The following CADM2 variants were observed in gnomAD, a reference collection of about 807,000 sequenced individuals.
The protein encoded by CADM2 is cell adhesion molecule 2, also known as immunoglobulin superfamily member 4D.
CADM2 carries 12 observed loss-of-function variants against 49.8 expected under a neutral mutation model. The observed-to-expected ratio is 0.24, with a 90% CI of 0.15 to 0.39. The LOEUF (loss-of-function observed/expected upper bound fraction) is 0.39, where lower values mean the gene tolerates loss of function less well. Among genes scored for constraint, CADM2 ranks in the 10% least tolerant of loss-of-function variants. CADM2 has a pLI of 1.00. For missense variants in CADM2, 378 were observed against 492.3 expected (o/e 0.77, Z 2.20); for synonymous variants, 214 against 175.4 (o/e 1.22, Z -1.74).
intron 2 of CADM2, chr3:85,800,537 T>C (rs190155342): frequency 6.6e-6 from 1 of 152,656 alleles, no homozygotes. Context: ...CCTTGTGGTA[T>C]AGGCACCCGA....
chr3:85,904,588 T>C (rs1716540708), intron 5 of CADM2, among the ~76,000 whole-genome samples: 1 of 152,204 alleles, frequency 6.6e-6, no homozygotes, highest in Admixed American at 6.5e-5. Flanking sequence ...GTTCATTTGC[T>C]ATAGACCCTT....
chr3:85,940,023 C>A (rs199956032), intron 7 of CADM2, among the ~76,000 whole-genome samples: 32 of 146,970 alleles, frequency 2.2e-4, no homozygotes, highest in Non-Finnish European at 3.5e-4. Context: ...TTAACAACAA[C>A]AAAAAAAAAA....
intron 1 of CADM2, among the ~76,000 whole-genome samples, chr3:85,339,249 T>A (rs1020859193): frequency 1.3e-5 from 2 of 151,500 alleles, no homozygotes; most frequent in Non-Finnish European, 3.0e-5. Flanking sequence ...TAAAAAGTAC[T>A]GCAGGTAAAT....
chr3:85,706,440 G>T (rs996018561), intron 1 of CADM2, among the ~76,000 whole-genome samples: 22 of 151,926 alleles, frequency 1.4e-4, no homozygotes, highest in African/African-American at 4.4e-4. Context: ...CTATATCCCC[G>T]CCCCTTGGCT....
chr3:85,470,084 A>G (rs1015505181), intron 1 of CADM2, among the ~76,000 whole-genome samples: 6 of 152,184 alleles, frequency 3.9e-5, no homozygotes, highest in African/African-American at 9.7e-5. Flanking sequence ...GTCTATTTAT[A>G]TTTGATTTAC....
At chr3:85,922,544 T>C (rs1719260664) in intron 6 of CADM2, among the ~76,000 whole-genome samples, 1 of 152,078 alleles carries the variant, frequency 6.6e-6, no homozygotes, top group South Asian at 2.1e-4. Flanking sequence ...TAATGGTATA[T>C]ATACACAAAT....
intron 1 of CADM2, among the ~76,000 whole-genome samples, chr3:85,069,999 T>C (rs2107469650): frequency 6.6e-6 from 1 of 152,300 alleles, no homozygotes; most frequent in East Asian, 1.9e-4. Context: ...GATAACAGTA[T>C]TCTAATGCAA....
At chr3:85,513,846 G>A (rs1255235105) in intron 1 of CADM2, among the ~76,000 whole-genome samples, 4 of 151,936 alleles carry the variant, frequency 2.6e-5, no homozygotes, top group African/African-American at 4.8e-5. Context: ...GTTGTTTAAT[G>A]TACTCCAAGC....
At chr3:85,201,812 G>C (rs2041509944) in intron 1 of CADM2, among the ~76,000 whole-genome samples, 1 of 152,116 alleles carries the variant, frequency 6.6e-6, no homozygotes, top group East Asian at 1.9e-4. Flanking sequence ...GCTGGGCACA[G>C]TGGCTCACAC....
chr3:85,868,478 C>G (rs947058799), intron 3 of CADM2, among the ~76,000 whole-genome samples: 6 of 152,106 alleles, frequency 3.9e-5, no homozygotes, highest in African/African-American at 1.4e-4. Context: ...ATCTTGATTG[C>G]CTAATGAATT....
intron 2 of CADM2, among the ~76,000 whole-genome samples, chr3:85,783,184 A>G (rs1559653864): frequency 1.3e-5 from 2 of 152,178 alleles, no homozygotes; most frequent in Non-Finnish European, 2.9e-5. Flanking sequence ...TCTTGAAACA[A>G]CCAGCATAAC....
At chr3:85,461,777 C>T (rs552450957) in intron 1 of CADM2, among the ~76,000 whole-genome samples, 1 of 152,132 alleles carries the variant, frequency 6.6e-6, no homozygotes, top group Admixed American at 6.6e-5. Flanking sequence ...GAAAGAAAGA[C>T]AGAAAAACTA....
intron 1 of CADM2, among the ~76,000 whole-genome samples, chr3:84,985,312 T>G (rs1379098779): frequency 6.6e-6 from 1 of 152,166 alleles, no homozygotes; most frequent in African/African-American, 2.4e-5. Context: ...CAGCAGATAT[T>G]TTAATTCTTA....
chr3:85,754,102 T>A (rs1430749111), intron 2 of CADM2, among the ~76,000 whole-genome samples: 2 of 152,202 alleles, frequency 1.3e-5, no homozygotes, highest in Non-Finnish European at 2.9e-5. Flanking sequence ...GTATGCGTGC[T>A]CACTTGAGGT....
chr3:85,845,347 A>C (rs192202138), intron 3 of CADM2, among the ~76,000 whole-genome samples: 1 of 152,204 alleles, frequency 6.6e-6, no homozygotes, highest in Admixed American at 6.5e-5. Flanking sequence ...CAGGAGTCAG[A>C]TGACCAACTC....
chr3:86,025,003 T>C (rs1733705964), intron 8 of CADM2, among the ~76,000 whole-genome samples: 1 of 151,886 alleles, frequency 6.6e-6, no homozygotes, highest in African/African-American at 2.4e-5. Flanking sequence ...CTTGGCCTTC[T>C]GAGTAGCTGG....
At chr3:85,498,722 A>G (rs1323462517) in intron 1 of CADM2, among the ~76,000 whole-genome samples, 2 of 152,276 alleles carry the variant, frequency 1.3e-5, no homozygotes, top group African/African-American at 4.8e-5. Flanking sequence ...AAGCTTATGT[A>G]TTGATAAGCT....
intron 8 of CADM2, among the ~76,000 whole-genome samples, chr3:86,054,573 T>C (rs578197959): frequency 6.6e-6 from 1 of 152,232 alleles, no homozygotes; most frequent in East Asian, 1.9e-4. Flanking sequence ...CCTGAAATTT[T>C]AGAATAATGT....
rs188966043 is a variant in CADM2 at position 85,349,164 on chromosome 3, A to G, written c.62-377358A>G. On this transcript the variant is annotated intron_variant, in intron 1 of 9. Transcript: ENST00000383699. ...TTTTATCTCCTATTCAGAGATTTCA[A>G]TTGCTCTCATAAGAGTCCAGAGATT... Among the ~76,000 whole-genome samples the G allele has an allele frequency of 1.8e-3, 276 of 152,254 alleles. 1 individual carries two copies. Among genetic ancestry groups the G allele is most frequent in the Admixed American group, 4.1e-3 (63 of 15,282 alleles).
Sources: gnomAD v4.1 joint callset for allele counts (sites outside exome capture counted in the v4.1 genomes callset) on GRCh38, gnomAD v4.1.1 for gene constraint, MANE v1.5 for transcripts, NCBI Gene and HGNC (gene_info 2026-07-23, HGNC 2026-07-21) for gene names.